The following CDIN1 variants were observed in gnomAD, a reference collection of about 807,000 sequenced individuals.
CDIN1 encodes CDAN1-interacting nuclease 1.
In CDIN1, 33 loss-of-function variants were observed where a neutral mutation model predicts 45.3. That is an observed-to-expected ratio of 0.73 (90% CI 0.55 to 0.97). The LOEUF (loss-of-function observed/expected upper bound fraction) is 0.97, where lower values mean the gene tolerates loss of function less well. Among genes scored for constraint, CDIN1 ranks in the 50% least tolerant of loss-of-function variants. The pLI is 0.00. For missense variants in CDIN1, 303 were observed against 339.4 expected (o/e 0.89, Z 0.84); for synonymous variants, 118 against 124.4 (o/e 0.95, Z 0.34).
chr15:36,608,976 T>TATAGATAGATAGATAG (rs35140623), intron 1 of CDIN1, among the ~76,000 whole-genome samples: 13 of 149,440 alleles, frequency 8.7e-5, no homozygotes, highest in East Asian at 2.0e-4. Context: ...TATGTGTGTA[T>TATAGATAGATAGATAG]ATAGATAGAT....
At chr15:36,623,967 A>G (rs2039312728) in intron 1 of CDIN1, among the ~76,000 whole-genome samples, 1 of 152,174 alleles carries the variant, frequency 6.6e-6, no homozygotes, top group Non-Finnish European at 1.5e-5. Context: ...AGAAAACACT[A>G]CTATTATTAT....
intron 10 of CDIN1, among the ~76,000 whole-genome samples, chr15:36,763,799 A>G (rs1207913491): frequency 1.3e-5 from 2 of 152,076 alleles, no homozygotes; most frequent in Admixed American, 6.6e-5. Context: ...TGCTGGCTCC[A>G]CCTAAAACCT....
In CDIN1 at chr15:36,579,850, C is replaced by T. The variant is rs1273246989; in HGVS notation, c.-11C>T. 1.9e-6 allele frequency: 3 copies of T among 1,610,078 alleles called. No homozygotes were observed. The highest frequency in any genetic ancestry group is 2.5e-6 in the Non-Finnish European group (3 of 1,177,974). On this transcript the variant is annotated 5_prime_UTR_variant, in exon 1 of 11. Transcript: ENST00000566621. ...TCCTTGTTCCCGCCACCTCCTGGTCCCTGGCCCAACATGATACTGACCAAA... is the reference window on the plus strand; with the variant it reads ...TCCTTGTTCCCGCCACCTCCTGGTCTCTGGCCCAACATGATACTGACCAAA...
At chr15:36,680,898 T>C (rs1352396320) in intron 5 of CDIN1, among the ~76,000 whole-genome samples, 1 of 152,124 alleles carries the variant, frequency 6.6e-6, no homozygotes, top group Non-Finnish European at 1.5e-5. Flanking sequence ...ATAAAACTGG[T>C]CTTTGCAAAA....
intron 1 of CDIN1, among the ~76,000 whole-genome samples, chr15:36,626,458 AC>A (rs1344531904): frequency 6.6e-6 from 1 of 152,166 alleles, no homozygotes; most frequent in Non-Finnish European, 1.5e-5. Flanking sequence ...GACGAGTTCC[AC>A]AATCATTGCT....
chr15:36,641,195 G>C (rs1340239251), intron 1 of CDIN1: 1 of 152,192 alleles, frequency 6.6e-6, no homozygotes, highest in Non-Finnish European at 1.5e-5. Flanking sequence ...AGAAGCCTGG[G>C]AAGAGTTTTA....
At chr15:36,701,132 A>G (rs1266370164) in intron 8 of CDIN1, among the ~76,000 whole-genome samples, 1 of 141,852 alleles carries the variant, frequency 7.0e-6, no homozygotes, top group African/African-American at 2.9e-5. Context: ...GTAGATAGAT[A>G]GATAGATAGA....
chr15:36,734,292 T>C (rs2043935835), intron 10 of CDIN1: 1 of 312,192 alleles, frequency 3.2e-6, no homozygotes, highest in South Asian at 2.9e-5. Flanking sequence ...TTAATTAACA[T>C]GTTCATGTAC....
At chr15:36,601,822 C>A (rs75869027) in intron 1 of CDIN1, among the ~76,000 whole-genome samples, 4,475 of 152,270 alleles carry the variant, frequency 0.029, 206 homozygotes, top group African/African-American at 0.1. Flanking sequence ...CCTCCAGCAT[C>A]ATAAAAATAG....
At chr15:36,808,201 G>A in intron 10 of CDIN1, 123 bp from the exon 11 acceptor site, 2 of 1,359,038 alleles carry the variant, frequency 1.5e-6, no homozygotes, top group Non-Finnish European at 2.0e-6. Flanking sequence ...CACAATGGTA[G>A]CAACCAAAAC....
chr15:36,599,325 G>A (rs1230115429), intron 1 of CDIN1, among the ~76,000 whole-genome samples: 2 of 152,118 alleles, frequency 1.3e-5, no homozygotes, highest in East Asian at 1.9e-4. Flanking sequence ...CAGACATGGA[G>A]CCATTTGTTA....
At chr15:36,684,970 T>C (rs2041987826) in intron 5 of CDIN1, among the ~76,000 whole-genome samples, 1 of 152,166 alleles carries the variant, frequency 6.6e-6, no homozygotes, top group Non-Finnish European at 1.5e-5. Flanking sequence ...TCTTCTCTCT[T>C]TTTTTCTTTA....
At chr15:36,613,918 G>T (rs1391262797) in intron 1 of CDIN1, 4 of 1,549,226 alleles carry the variant, frequency 2.6e-6, no homozygotes, top group Non-Finnish European at 3.5e-6. Flanking sequence ...AGCTGAGCTG[G>T]CAGAGCCCCA....
chr15:36,648,947 C>A (rs555021201), intron 3 of CDIN1, among the ~76,000 whole-genome samples: 1 of 152,100 alleles, frequency 6.6e-6, no homozygotes, highest in African/African-American at 2.4e-5. Flanking sequence ...TATTTGTTTT[C>A]CAATCTGTTT....
At chr15:36,691,891 G>A (rs1360166526) in intron 6 of CDIN1, 127 bp downstream of exon 6, 4 of 805,922 alleles carry the variant, frequency 5.0e-6, no homozygotes, top group South Asian at 3.5e-5. Flanking sequence ...ACCATAAATG[G>A]CAATGCAGTA....
intron 10 of CDIN1, among the ~76,000 whole-genome samples, chr15:36,780,349 A>G (rs183407705): frequency 6.6e-6 from 1 of 152,330 alleles, no homozygotes; most frequent in African/African-American, 2.4e-5. Flanking sequence ...TACCTGTAAT[A>G]AGACATGTGT....
chr15:36,691,877 G>T, intron 6 of CDIN1, 113 bp downstream of exon 6: 1 of 900,796 alleles, frequency 1.1e-6, no homozygotes, highest in East Asian at 2.6e-5. Context: ...TGAGGTCAGG[G>T]TGCACCATAA....
chr15:36,808,937 C>G lies in CDIN1; in HGVS notation c.*484C>G, dbSNP rs1177097590. Reference sequence around the variant, plus strand: ...CATTGCATTACCATCGTGGAATAATCTAGCGCAAACCTAGGAAAGCTGAAG... The same window carrying G: ...CATTGCATTACCATCGTGGAATAATGTAGCGCAAACCTAGGAAAGCTGAAG... On this transcript the variant is annotated 3_prime_UTR_variant, in exon 11 of 11. Transcript: ENST00000566621. 2.2e-6 allele frequency: 1 copy of G among 455,872 alleles called. No homozygotes were observed. Among genetic ancestry groups the G allele is most frequent in the East Asian group, 7.0e-5 (1 of 14,382 alleles). 28.2% of individuals were successfully genotyped at this position (455,872 alleles called of 1,614,324 possible).
In CDIN1 at chr15:36,683,101, A is replaced by T. The variant is rs534777409; in HGVS notation, c.347-8584A>T. Among the ~76,000 whole-genome samples the T allele has an allele frequency of 2.4e-3, 366 of 152,354 alleles. 3 individuals carry two copies. Among genetic ancestry groups the T allele is most frequent in the Middle Eastern group, 6.8e-3 (2 of 294 alleles). On this transcript the variant is annotated intron_variant, in intron 5 of 10. Transcript: ENST00000566621. ...AACAAAGATGTTACTGATAAAGATT[A>T]TATATTGTTTAAGTTTAAACATTCT...
Sources: allele counts gnomAD v4.1 joint callset (sites outside exome capture counted in the v4.1 genomes callset), GRCh38; gene constraint gnomAD v4.1.1; transcripts MANE v1.5; gene names NCBI Gene and HGNC (gene_info 2026-07-23, HGNC 2026-07-21).